The following C8orf34 variants were observed in gnomAD, a reference collection of about 807,000 sequenced individuals.
C8orf34 encodes the protein chromosome 8 open reading frame 34.
Under a neutral mutation model 68.3 loss-of-function variants are expected in C8orf34, and 65 were observed. The observed-to-expected ratio is 0.95, with a 90% CI of 0.78 to 1.17. The LOEUF (loss-of-function observed/expected upper bound fraction) is 1.17, where lower values mean the gene tolerates loss of function less well. Ranked by LOEUF, C8orf34 falls within the 50% of genes most tolerant of loss-of-function variation. C8orf34 has a pLI of 0.00. For synonymous variants in C8orf34, 244 were observed against 241.2 expected, an observed-to-expected ratio of 1.01 and a Z score of -0.11; for missense variants, 664 against 655.4, an observed-to-expected ratio of 1.01 and a Z score of -0.14.
Position 68,330,976 on chromosome 8 carries a change from A to G in C8orf34, c.-37A>G. The G allele has an allele frequency of 5.9e-6, 8 of 1,346,402 alleles. No individual in the cohort carries two copies. Among genetic ancestry groups the G allele is most frequent in the East Asian group, 6.0e-5 (2 of 33,140 alleles). The allele number at this position is 1,346,402 out of a possible 1,614,324, so 83.4% of individuals were successfully genotyped here. On this transcript the variant is annotated 5_prime_UTR_variant, in exon 1 of 14. Transcript: ENST00000518698. The stretch of plus-strand genomic sequence containing the variant: ...CCCCACTGCGCCGGGCGCTGCGGAG[A>G]GCGGCGAGGGTGGGCGCGAGGCGGA...
intron 10 of C8orf34, among the ~76,000 whole-genome samples, chr8:68,732,955 T>C (rs1027047138): frequency 6.6e-6 from 1 of 152,138 alleles, no homozygotes; most frequent in Non-Finnish European, 1.5e-5. Flanking sequence ...CCCCAGTTAC[T>C]TGGGAGGCTG....
chr8:68,461,490 C>T (rs4737259), intron 3 of C8orf34, among the ~76,000 whole-genome samples: 65,737 of 150,826 alleles, frequency 0.44, 14,646 homozygotes, highest in East Asian at 0.58. Flanking sequence ...ATATAATTGT[C>T]AGATTCACCA....
intron 1 of C8orf34, among the ~76,000 whole-genome samples, chr8:68,385,138 A>G (rs1337739517): frequency 6.6e-6 from 1 of 152,260 alleles, no homozygotes; most frequent in Non-Finnish European, 1.5e-5. Context: ...CCTCACCACA[A>G]TTACTATGTG....
intron 8 of C8orf34, among the ~76,000 whole-genome samples, chr8:68,684,478 C>G (rs551628186): frequency 6.6e-6 from 1 of 152,218 alleles, no homozygotes; most frequent in South Asian, 2.1e-4. Flanking sequence ...GTACTGCAAA[C>G]AAGAGACAAG....
chr8:68,788,535 A>C (rs1451039271), intron 12 of C8orf34, among the ~76,000 whole-genome samples: 3 of 152,196 alleles, frequency 2.0e-5, no homozygotes, highest in Admixed American at 2.0e-4. Flanking sequence ...TATAGATTCT[A>C]TTGAAGGAAA....
chr8:68,470,432 A>G (rs1231421379), intron 4 of C8orf34, among the ~76,000 whole-genome samples: 2 of 152,148 alleles, frequency 1.3e-5, no homozygotes, highest in Non-Finnish European at 2.9e-5. Flanking sequence ...TTTGTAAAAT[A>G]GTATTTGCTG....
chr8:68,746,021 T>A (rs1458567708), intron 10 of C8orf34, among the ~76,000 whole-genome samples: 1 of 151,984 alleles, frequency 6.6e-6, no homozygotes, highest in African/African-American at 2.4e-5. Flanking sequence ...AGAACAGAAA[T>A]TATAACAAAC....
intron 7 of C8orf34, among the ~76,000 whole-genome samples, chr8:68,571,284 T>C (rs1429051117): frequency 6.6e-6 from 1 of 152,180 alleles, no homozygotes; most frequent in Non-Finnish European, 1.5e-5. Flanking sequence ...CCTTCCTGCA[T>C]AATAAGGCAC....
chr8:68,379,657 C>T (rs751553303), intron 1 of C8orf34, among the ~76,000 whole-genome samples: 19 of 152,136 alleles, frequency 1.2e-4, no homozygotes, highest in African/African-American at 4.8e-5. Context: ...CTCATTCCTA[C>T]AACAAGTCAC....
intron 1 of C8orf34, among the ~76,000 whole-genome samples, chr8:68,361,407 A>G (rs1806991454): frequency 6.6e-6 from 1 of 152,140 alleles, no homozygotes; most frequent in Non-Finnish European, 1.5e-5. Context: ...TGGGAGGAGG[A>G]TTCTAGAGGA....
chr8:68,790,230 A>T (rs1183496954), intron 12 of C8orf34, among the ~76,000 whole-genome samples: 3 of 152,196 alleles, frequency 2.0e-5, no homozygotes, highest in Admixed American at 2.0e-4. Context: ...ATATGCATAG[A>T]TCATCTGCCT....
rs539530846 is a variant in C8orf34 at position 68,353,958 on chromosome 8, C to T, written c.327+22619C>T. Reference sequence around the variant, plus strand: ...ATTCAAGTGAGGTCCTGGAACCAATCCCCTTCTGCATCTGAGGGACAACTG... The same window carrying T: ...ATTCAAGTGAGGTCCTGGAACCAATTCCCTTCTGCATCTGAGGGACAACTG... On this transcript the variant is annotated intron_variant, in intron 1 of 13. Transcript: ENST00000518698. Among the ~76,000 whole-genome samples, 33 of 151,936 alleles carry T rather than the reference C, an allele frequency of 2.2e-4. 1 individual carries two copies. In the South Asian group the frequency reaches 6.7e-3, roughly 31 times the overall value.
At chr8:68,590,029 G>A (rs1817338518) in intron 7 of C8orf34, among the ~76,000 whole-genome samples, 1 of 148,776 alleles carries the variant, frequency 6.7e-6, no homozygotes, top group Non-Finnish European at 1.5e-5. Context: ...AAAAGGATGA[G>A]GAAAGAGGGA....
chr8:68,532,353 G>C (rs1041633618), intron 6 of C8orf34, among the ~76,000 whole-genome samples: 2 of 152,136 alleles, frequency 1.3e-5, no homozygotes, highest in Admixed American at 1.3e-4. Flanking sequence ...TTTACTCCAA[G>C]TGGTAAATGT....
At chr8:68,736,713 G>A (rs1175317158) in intron 10 of C8orf34, among the ~76,000 whole-genome samples, 1 of 152,038 alleles carries the variant, frequency 6.6e-6, no homozygotes, top group Non-Finnish European at 1.5e-5. Flanking sequence ...TTGAACTGAA[G>A]GAGGAAAAAT....
At chr8:68,443,641 C>T (rs372762916) in intron 2 of C8orf34, among the ~76,000 whole-genome samples, 4 of 151,824 alleles carry the variant, frequency 2.6e-5, no homozygotes, top group Non-Finnish European at 4.4e-5. Flanking sequence ...CTCTTGACCT[C>T]GTGATCTGCC....
chr8:68,809,275 T>C (rs1012644007), intron 12 of C8orf34, among the ~76,000 whole-genome samples: 5 of 152,348 alleles, frequency 3.3e-5, no homozygotes, highest in Admixed American at 6.5e-5. Context: ...GATTTCTCTT[T>C]CACCTGTAAA....
intron 6 of C8orf34, chr8:68,525,557 C>G: frequency 1.1e-6 from 1 of 908,080 alleles, no homozygotes; most frequent in Non-Finnish European, 1.8e-6. Context: ...TGTGTGTCTT[C>G]GTCTTACTTC....
At chr8:68,435,602 T>G (rs140943557) in intron 1 of C8orf34, among the ~76,000 whole-genome samples, 40 of 152,310 alleles carry the variant, frequency 2.6e-4, no homozygotes, top group Non-Finnish European at 4.6e-4. Context: ...CTCTCATCTG[T>G]TCTCACATCT....
Sources: allele counts gnomAD v4.1 joint callset (sites outside exome capture counted in the v4.1 genomes callset), GRCh38; gene constraint gnomAD v4.1.1; transcripts MANE v1.5; gene names NCBI Gene and HGNC (gene_info 2026-07-23, HGNC 2026-07-21).